Variants in TRIO observed in about 807,000 individuals in gnomAD.
TRIO encodes triple functional domain protein.
TRIO carries 58 observed loss-of-function variants against 351.9 expected under a neutral mutation model. That is an observed-to-expected ratio of 0.16 (90% CI 0.13 to 0.21). The LOEUF (loss-of-function observed/expected upper bound fraction) is 0.21. TRIO is among the 10% of genes least tolerant of loss of function. The pLI, the probability that TRIO is intolerant of heterozygous loss-of-function variation, is 1.00. For synonymous variants in TRIO, 1,758 were observed against 1,595.7 expected (o/e 1.10, Z -2.42); for missense variants, 3,201 against 4,027.8 (o/e 0.79, Z 5.56).
intron 11 of TRIO, among the ~76,000 whole-genome samples, chr5:14,345,371 C>G (rs958498973): frequency 6.6e-6 from 1 of 152,102 alleles, no homozygotes; most frequent in Non-Finnish European, 1.5e-5. Context: ...TAAGACTGTC[C>G]ACTGACTTCA....
rs1412012668 is a variant in TRIO, at chr5:14,497,000, A to C, written c.8002A>C (p.Asn2668His). The change falls in exon 50 of 57, where the codon AAC (asparagine) becomes CAC (histidine). Residue 2668 changes from asparagine (N) to histidine (H), a missense_variant. This residue lies in a region of TRIO where 1,089 missense variants were observed against 954.9 expected (regional missense o/e 1.14). Coordinates refer to ENST00000344204, the MANE Select transcript of TRIO (RefSeq NM_007118.4). ...GYRKSREGLS[N>H]KVSVKLLNPN... ...TCGGAAGTCACGGGAAGGACTCAGC[A>C]ACAAGGTATCTGTGAAGGTGTGTTC... is the stretch of plus-strand genomic sequence containing the variant. 1 of 1,614,120 alleles carries C rather than the reference A, an allele frequency of 6.2e-7. No individual in the cohort carries two copies. Among genetic ancestry groups the C allele is most frequent in the Non-Finnish European group, 8.5e-7 (1 of 1,180,040 alleles).
At chr5:14,359,188 G>A (rs898586504) in intron 12 of TRIO, among the ~76,000 whole-genome samples, 169 bp from the exon 13 acceptor site, 1 of 152,252 alleles carries the variant, frequency 6.6e-6, no homozygotes, top group Admixed American at 6.5e-5. Context: ...ATTGCCCCGA[G>A]GAGGAAGCCT....
intron 3 of TRIO, among the ~76,000 whole-genome samples, chr5:14,281,158 G>A (rs75793490): frequency 0.13 from 19,228 of 152,200 alleles, 1,469 homozygotes; most frequent in Admixed American, 0.21. Flanking sequence ...TAATGTATTA[G>A]TTCTTTCTCA....
intron 1 of TRIO, among the ~76,000 whole-genome samples, chr5:14,260,702 A>C (rs1795294118): frequency 6.6e-6 from 1 of 152,242 alleles, no homozygotes; most frequent in African/African-American, 2.4e-5. Context: ...GGAGTAAATG[A>C]ATTAATGGGA....
At position 14,149,515 on chromosome 5, in the gene TRIO, G is replaced by GC. The variant is rs575800671; in HGVS notation, c.157+5639dup. On this transcript the variant is annotated intron_variant, in intron 1 of 56. Coordinates refer to ENST00000344204, the MANE Select transcript of TRIO (RefSeq NM_007118.4). ...TTGAAACCCAAATTACTAATCACCTGCCCCCCGGGAAAGGTTGTATGTGGG... is the reference window on the plus strand; with the variant it reads ...TTGAAACCCAAATTACTAATCACCTGCCCCCCCGGGAAAGGTTGTATGTGGG... Among the ~76,000 whole-genome samples, 74 of 152,186 alleles carry GC rather than the reference G, an allele frequency of 4.9e-4. No homozygotes were observed. The Middle Eastern group carries it at 0.01, about 21-fold the overall frequency.
At chr5:14,475,633 A>T (rs1755019126) in intron 40 of TRIO, among the ~76,000 whole-genome samples, 1 of 152,256 alleles carries the variant, frequency 6.6e-6, no homozygotes, top group African/African-American at 2.4e-5. Context: ...AACTTTAGAA[A>T]CAGCACTCCA....
At chr5:14,248,545 G>A (rs538907703) in intron 1 of TRIO, among the ~76,000 whole-genome samples, 5 of 152,240 alleles carry the variant, frequency 3.3e-5, no homozygotes, top group African/African-American at 9.6e-5. Context: ...GTAGGTGAGG[G>A]GGACAAGGCC....
intron 34 of TRIO, among the ~76,000 whole-genome samples, chr5:14,455,653 TTAAC>T (rs927098862): frequency 6.6e-6 from 1 of 151,436 alleles, no homozygotes; most frequent in African/African-American, 2.4e-5. Context: ...TTACAATCCT[TTAAC>T]TAAACATAAA....
chr5:14,167,391 T>C (rs541275532), intron 1 of TRIO, among the ~76,000 whole-genome samples: 1 of 150,366 alleles, frequency 6.7e-6, no homozygotes, highest in African/African-American at 2.5e-5. Flanking sequence ...GTCAAAACTT[T>C]ATTTACACGA....
At chr5:14,226,852 A>G (rs555051863) in intron 1 of TRIO, among the ~76,000 whole-genome samples, 8 of 23,956 alleles carry the variant, frequency 3.3e-4, no homozygotes, top group African/African-American at 7.3e-4. Flanking sequence ...CCGGGAAGTC[A>G]GAAGAAGGGG....
chr5:14,210,204 A>G (rs1202270169), intron 1 of TRIO, among the ~76,000 whole-genome samples: 1 of 152,194 alleles, frequency 6.6e-6, no homozygotes, highest in Non-Finnish European at 1.5e-5. Flanking sequence ...TTCTGTGTAG[A>G]AGGTTGGAAG....
chr5:14,231,728 CA>C (rs1394309673), intron 1 of TRIO, among the ~76,000 whole-genome samples: 3 of 151,970 alleles, frequency 2.0e-5, no homozygotes, highest in Non-Finnish European at 2.9e-5. Context: ...TTTTATTATT[CA>C]AAGTTATAGA....
intron 37 of TRIO, 174 bp downstream of exon 37, chr5:14,465,814 GAA>G (rs1440333561): frequency 3.1e-6 from 2 of 649,010 alleles, no homozygotes; most frequent in Non-Finnish European, 2.7e-6. Flanking sequence ...AGGACTCAGA[GAA>G]CTCAGGAAAG....
chr5:14,262,049 G>C (rs369805477), intron 1 of TRIO, among the ~76,000 whole-genome samples: 1 of 152,304 alleles, frequency 6.6e-6, no homozygotes, highest in Admixed American at 6.5e-5. Flanking sequence ...AGAGTACCAC[G>C]TGTTTGCTAT....
chr5:14,413,523 G>A (rs747553294), intron 33 of TRIO, among the ~76,000 whole-genome samples: 4 of 152,208 alleles, frequency 2.6e-5, no homozygotes, highest in East Asian at 1.9e-4. Context: ...GATGGGTTCC[G>A]TGTGACGTCT....
intron 1 of TRIO, among the ~76,000 whole-genome samples, chr5:14,167,268 C>G (rs907460228): frequency 5.3e-5 from 8 of 151,788 alleles, no homozygotes; most frequent in Admixed American, 6.6e-5. Context: ...TTGCTAAGTT[C>G]TTGGGTATAT....
At chr5:14,484,087 G>A (rs1190202459) in intron 46 of TRIO, among the ~76,000 whole-genome samples, 2 of 146,220 alleles carry the variant, frequency 1.4e-5, no homozygotes, top group East Asian at 2.0e-4. Flanking sequence ...CATCCATCCC[G>A]GGCACTGCAC....
chr5:14,178,408 T>C (rs945295032), intron 1 of TRIO, among the ~76,000 whole-genome samples: 1 of 152,238 alleles, frequency 6.6e-6, no homozygotes, highest in Non-Finnish European at 1.5e-5. Flanking sequence ...AACCCTCTTA[T>C]GGTGTGGATA....
At chr5:14,319,971 G>A (rs1331392415) in intron 9 of TRIO, among the ~76,000 whole-genome samples, 2 of 152,186 alleles carry the variant, frequency 1.3e-5, no homozygotes, top group Non-Finnish European at 2.9e-5. Flanking sequence ...GCTGCTGTGT[G>A]TAGCACACTT....
Sources: gnomAD v4.1 joint callset for allele counts (sites outside exome capture counted in the v4.1 genomes callset) on GRCh38, gnomAD v4.1.1 for gene constraint, gnomAD v4.1.1 regional missense constraint, MANE v1.5 for transcripts, NCBI Gene and HGNC (gene_info 2026-07-23, HGNC 2026-07-21) for gene names.